The following FBXL7 variants were observed in gnomAD, a reference collection of about 807,000 sequenced individuals.
FBXL7 encodes F-box/LRR-repeat protein 7.
Under a neutral mutation model 38.3 loss-of-function variants are expected in FBXL7, and 12 were observed. The ratio of observed to expected loss-of-function variants is 0.31; its 90% CI spans 0.20 to 0.51. The LOEUF (loss-of-function observed/expected upper bound fraction) is 0.51. Among genes scored for constraint, FBXL7 ranks in the 20% least tolerant of loss-of-function variants. The pLI, the probability that FBXL7 is intolerant of heterozygous loss-of-function variation, is 0.98. For synonymous variants in FBXL7, 297 were observed against 300.9 expected (o/e 0.99, Z 0.13); for missense variants, 567 against 676.4 (o/e 0.84, Z 1.79).
At chr5:15,631,915 G>A (rs1481287313) in intron 2 of FBXL7, among the ~76,000 whole-genome samples, 2 of 152,092 alleles carry the variant, frequency 1.3e-5, no homozygotes, top group Non-Finnish European at 2.9e-5. Context: ...AATGCTTAAT[G>A]GATGAAATAT....
intron 1 of FBXL7, among the ~76,000 whole-genome samples, chr5:15,511,177 T>G (rs1736786950): frequency 6.6e-6 from 1 of 152,248 alleles, no homozygotes; most frequent in Non-Finnish European, 1.5e-5. Context: ...GGGAAACTTT[T>G]AACTCATTTT....
chr5:15,640,827 G>A (rs1048429964), intron 2 of FBXL7, among the ~76,000 whole-genome samples: 11 of 152,156 alleles, frequency 7.2e-5, no homozygotes, highest in Admixed American at 1.3e-4. Flanking sequence ...CCTGGCCGGG[G>A]TGAGGGCTTT....
intron 2 of FBXL7, among the ~76,000 whole-genome samples, chr5:15,864,747 G>T (rs975700495): frequency 3.3e-5 from 5 of 152,182 alleles, no homozygotes; most frequent in Non-Finnish European, 1.5e-5. Context: ...AAGACACATG[G>T]TTTACGTTGC....
At chr5:15,762,661 T>G (rs999168285) in intron 2 of FBXL7, among the ~76,000 whole-genome samples, 1 of 152,348 alleles carries the variant, frequency 6.6e-6, no homozygotes, top group Admixed American at 6.5e-5. Context: ...TTAGAGTTGT[T>G]TTGAAAGTTA....
intron 2 of FBXL7, among the ~76,000 whole-genome samples, chr5:15,859,228 A>T (rs1739368331): frequency 6.6e-6 from 1 of 152,280 alleles, no homozygotes; most frequent in Middle Eastern, 3.4e-3. Context: ...GCTGCAGTAG[A>T]AGCTTTTTAT....
intron 2 of FBXL7, among the ~76,000 whole-genome samples, chr5:15,748,040 C>G (rs1040524243): frequency 5.4e-5 from 8 of 148,644 alleles, no homozygotes; most frequent in African/African-American, 2.0e-4. Context: ...ATTTTGCTCC[C>G]CAGGGAACAC....
At chr5:15,717,234 C>T (rs190534239) in intron 2 of FBXL7, among the ~76,000 whole-genome samples, 11 of 152,214 alleles carry the variant, frequency 7.2e-5, no homozygotes, top group Admixed American at 5.2e-4. Context: ...CAGAGAGGTG[C>T]GTTTGGAAAT....
intron 2 of FBXL7, among the ~76,000 whole-genome samples, chr5:15,657,476 A>ATAATT (rs1385400722): frequency 1.3e-5 from 2 of 152,234 alleles, no homozygotes; most frequent in African/African-American, 4.8e-5. Context: ...AAGTCAGTGA[A>ATAATT]TAAATTATTC....
intron 2 of FBXL7, among the ~76,000 whole-genome samples, chr5:15,801,188 T>G (rs1252018206): frequency 6.6e-6 from 1 of 152,178 alleles, no homozygotes; most frequent in Admixed American, 6.5e-5. Flanking sequence ...CAAAATACAT[T>G]TGCAATAATA....
At chr5:15,827,604 A>G (rs1200226012) in intron 2 of FBXL7, among the ~76,000 whole-genome samples, 2 of 152,206 alleles carry the variant, frequency 1.3e-5, no homozygotes, top group East Asian at 3.9e-4. Flanking sequence ...TGAGAGAAAG[A>G]GAGAAAGGGG....
intron 2 of FBXL7, among the ~76,000 whole-genome samples, chr5:15,922,532 A>G (rs1488807590): frequency 6.6e-6 from 1 of 152,172 alleles, no homozygotes; most frequent in African/African-American, 2.4e-5. Flanking sequence ...CTACAGTTTC[A>G]CCACAATCCC....
chr5:15,545,774 GTGTT>G (rs565303684), intron 1 of FBXL7, among the ~76,000 whole-genome samples: 4 of 152,356 alleles, frequency 2.6e-5, no homozygotes, highest in African/African-American at 7.2e-5. Flanking sequence ...GTGCAACAGA[GTGTT>G]TGGTTATCAA....
chr5:15,767,585 G>A (rs1736623814), intron 2 of FBXL7, among the ~76,000 whole-genome samples: 1 of 152,002 alleles, frequency 6.6e-6, no homozygotes, highest in Non-Finnish European at 1.5e-5. Flanking sequence ...AAACATACAT[G>A]GAAAGACAAG....
At chr5:15,933,774 C>A (rs929414988) in intron 3 of FBXL7, among the ~76,000 whole-genome samples, 1 of 152,070 alleles carries the variant, frequency 6.6e-6, no homozygotes, top group Non-Finnish European at 1.5e-5. Context: ...GAGGAAGGTC[C>A]TCGTTAGCAC....
intron 1 of FBXL7, among the ~76,000 whole-genome samples, chr5:15,585,223 TGAAAG>T (rs1739266472): frequency 6.6e-6 from 1 of 152,160 alleles, no homozygotes; most frequent in Non-Finnish European, 1.5e-5. Context: ...TTGCATTAGA[TGAAAG>T]GAAAGACAGA....
At chr5:15,585,343 T>G (rs544061496) in intron 1 of FBXL7, among the ~76,000 whole-genome samples, 3 of 152,128 alleles carry the variant, frequency 2.0e-5, no homozygotes, top group Non-Finnish European at 2.9e-5. Context: ...ATATAAAAGA[T>G]AAGATTTAGA....
At chr5:15,837,381 G>A (rs1166731348) in intron 2 of FBXL7, among the ~76,000 whole-genome samples, 1 of 152,090 alleles carries the variant, frequency 6.6e-6, no homozygotes, top group Admixed American at 6.5e-5. Flanking sequence ...TAAGGGATCT[G>A]AGCCATACAG....
intron 1 of FBXL7, among the ~76,000 whole-genome samples, chr5:15,606,231 G>C (rs1740009839): frequency 6.6e-6 from 1 of 151,994 alleles, no homozygotes; most frequent in South Asian, 2.1e-4. Flanking sequence ...CGTTATCCTA[G>C]AAGGCCTTTA....
intron 2 of FBXL7, among the ~76,000 whole-genome samples, chr5:15,634,536 G>A (rs186404662): frequency 6.6e-6 from 1 of 151,596 alleles, no homozygotes; most frequent in African/African-American, 2.4e-5. Flanking sequence ...GGCCAGGCTG[G>A]TGTCGAACTC....
Sources: gnomAD v4.1 joint callset for allele counts (sites outside exome capture counted in the v4.1 genomes callset) on GRCh38, gnomAD v4.1.1 for gene constraint, MANE v1.5 for transcripts, NCBI Gene and HGNC (gene_info 2026-07-23, HGNC 2026-07-21) for gene names.